The following ADGRL3 variants were observed in gnomAD, a reference collection of about 807,000 sequenced individuals.
The protein encoded by ADGRL3 is calcium-independent alpha-latrotoxin receptor 3.
Under a neutral mutation model 153.5 loss-of-function variants are expected in ADGRL3, and 62 were observed. The ratio of observed to expected loss-of-function variants is 0.40; its 90% CI spans 0.33 to 0.50. The LOEUF (loss-of-function observed/expected upper bound fraction) is 0.50, where lower values mean the gene tolerates loss of function less well. Among genes scored for constraint, ADGRL3 ranks in the 20% least tolerant of loss-of-function variants. The pLI, the probability that ADGRL3 is intolerant of heterozygous loss-of-function variation, is 0.47. For missense variants in ADGRL3, 1,641 were observed against 1,859.4 expected, an observed-to-expected ratio of 0.88 and a Z score of 2.16; for synonymous variants, 710 against 672.5, an observed-to-expected ratio of 1.06 and a Z score of -0.86.
At chr4:61,614,547 T>G (rs1258257027) in intron 5 of ADGRL3, among the ~76,000 whole-genome samples, 1 of 152,164 alleles carries the variant, frequency 6.6e-6, no homozygotes, top group Non-Finnish European at 1.5e-5. Flanking sequence ...AAGCAACTTT[T>G]AGCATAGTAA....
rs1258688149 is a variant in ADGRL3, at chr4:62,076,660, C to A, written c.*5752C>A. 2.0e-5 allele frequency: 3 copies of A among 151,950 alleles called. No homozygotes were observed. The highest frequency in any genetic ancestry group is 4.4e-5 in the Non-Finnish European group (3 of 67,896). The allele number at this position is 151,950 out of a possible 1,614,324, so 9.4% of individuals were successfully genotyped here. A position where few individuals can be genotyped will look rare whatever the true frequency, so the allele number is the denominator to read the frequency against. On this transcript the variant is annotated 3_prime_UTR_variant, in exon 27 of 27. Coordinates refer to ENST00000683033, the MANE Select transcript of ADGRL3 (RefSeq NM_001387552.1). ...ATATTCTGATTTCATTCTGCTAATTCCACGGGAAACATTAAATACTTTAAA... is the reference window on the plus strand; with the variant it reads ...ATATTCTGATTTCATTCTGCTAATTACACGGGAAACATTAAATACTTTAAA...
Position 61,651,869 on chromosome 4 carries a change from C to T in ADGRL3, c.474-24957C>T, listed in dbSNP as rs2094271605. On this transcript the variant is annotated intron_variant, in intron 5 of 26. Coordinates refer to ENST00000683033, the MANE Select transcript of ADGRL3 (RefSeq NM_001387552.1). ...CTGACCTAGTGATCTGCCTGCCTTG[C>T]CTCCCAAAGTGCTGGGATTACAGGA... Among the ~76,000 whole-genome samples the T allele has an allele frequency of 1.3e-5, 2 of 150,962 alleles. 1 individual carries two copies. The highest frequency in any genetic ancestry group is 4.2e-4 in the South Asian group (2 of 4,762).
chr4:61,586,740 C>A (rs2098948148), intron 4 of ADGRL3, among the ~76,000 whole-genome samples: 1 of 152,026 alleles, frequency 6.6e-6, no homozygotes. Context: ...ACAGTGAACT[C>A]ACAAAGTATT....
chr4:61,553,320 A>G (rs1318243161), intron 4 of ADGRL3, among the ~76,000 whole-genome samples: 1 of 152,210 alleles, frequency 6.6e-6, no homozygotes, highest in Admixed American at 6.5e-5. Flanking sequence ...TATAACTGAG[A>G]TAAAAAATAA....
chr4:61,440,371 T>G (rs1217399709), intron 2 of ADGRL3, among the ~76,000 whole-genome samples: 3 of 152,196 alleles, frequency 2.0e-5, no homozygotes. Flanking sequence ...ATATACAATT[T>G]GTGGTTCTTG....
intron 11 of ADGRL3, among the ~76,000 whole-genome samples, chr4:61,904,346 G>T (rs554254442): frequency 6.7e-6 from 1 of 149,158 alleles, no homozygotes; most frequent in Non-Finnish European, 1.5e-5. Context: ...ATGGGGTTTC[G>T]CTGTGTTGCC....
intron 2 of ADGRL3, among the ~76,000 whole-genome samples, chr4:61,405,357 CA>C (rs745785765): frequency 7.2e-5 from 11 of 151,920 alleles, no homozygotes; most frequent in Non-Finnish European, 1.5e-4. Context: ...AGTTCTGTAA[CA>C]GGTATTATTT....
chr4:61,728,128 G>A (rs1322350021), intron 6 of ADGRL3, among the ~76,000 whole-genome samples: 1 of 152,004 alleles, frequency 6.6e-6, no homozygotes, highest in African/African-American at 2.4e-5. Context: ...ATTTGTGTGC[G>A]CTTGTTTCAA....
intron 8 of ADGRL3, among the ~76,000 whole-genome samples, chr4:61,781,164 T>TAA (rs2097208408): frequency 6.6e-6 from 1 of 151,700 alleles, no homozygotes; most frequent in African/African-American, 2.4e-5. Flanking sequence ...CCATCTCTAC[T>TAA]AAAAATACAA....
intron 17 of ADGRL3, among the ~76,000 whole-genome samples, chr4:61,976,883 C>T (rs944303874): frequency 2.6e-5 from 4 of 152,060 alleles, no homozygotes; most frequent in Non-Finnish European, 4.4e-5. Flanking sequence ...TTGTTCTTTC[C>T]CATTCATGTT....
chr4:61,873,898 T>C (rs888379937), intron 9 of ADGRL3, among the ~76,000 whole-genome samples: 1 of 151,862 alleles, frequency 6.6e-6, no homozygotes, highest in Non-Finnish European at 1.5e-5. Flanking sequence ...GAACAACTCT[T>C]TACACCCAAA....
chr4:61,853,259 C>T (rs189756883), intron 9 of ADGRL3, among the ~76,000 whole-genome samples: 1 of 152,242 alleles, frequency 6.6e-6, no homozygotes, highest in East Asian at 1.9e-4. Context: ...TTTGAAGGGG[C>T]TCCTTATGAA....
At chr4:61,286,423 A>T (rs1333143118) in intron 1 of ADGRL3, among the ~76,000 whole-genome samples, 2 of 151,368 alleles carry the variant, frequency 1.3e-5, no homozygotes, top group Non-Finnish European at 3.0e-5. Flanking sequence ...TTTTAAAAGG[A>T]TGTTGATTTT....
At chr4:61,582,642 G>GA (rs113336064) in intron 4 of ADGRL3, among the ~76,000 whole-genome samples, 2,092 of 144,626 alleles carry the variant, frequency 0.014, 12 homozygotes, top group Middle Eastern at 0.018. Context: ...AGCAATGCAT[G>GA]AAAAAAAAAA....
At chr4:61,213,670 T>C (rs1422927734) in intron 1 of ADGRL3, among the ~76,000 whole-genome samples, 1 of 152,192 alleles carries the variant, frequency 6.6e-6, no homozygotes, top group African/African-American at 2.4e-5. Flanking sequence ...ATAGTTTGTA[T>C]AGTTATCTCC....
chr4:61,674,430 AT>A (rs1476382950), intron 5 of ADGRL3, among the ~76,000 whole-genome samples: 3 of 151,704 alleles, frequency 2.0e-5, no homozygotes, highest in Non-Finnish European at 4.4e-5. Context: ...AAGAGTAGAT[AT>A]TGCTTCTAAA....
At chr4:61,885,852 G>A (rs2098535554) in intron 9 of ADGRL3, among the ~76,000 whole-genome samples, 1 of 152,080 alleles carries the variant, frequency 6.6e-6, no homozygotes, top group Non-Finnish European at 1.5e-5. Context: ...AAAACTTGTT[G>A]GGAGTACTAA....
chr4:62,039,902 T>C (rs188984908), intron 24 of ADGRL3, among the ~76,000 whole-genome samples: 8 of 152,266 alleles, frequency 5.3e-5, no homozygotes. Flanking sequence ...TTGACATATG[T>C]CATTAATATT....
At chr4:61,921,112 C>G (rs1349973747) in intron 13 of ADGRL3, among the ~76,000 whole-genome samples, 2 of 151,766 alleles carry the variant, frequency 1.3e-5, no homozygotes, top group African/African-American at 4.8e-5. Flanking sequence ...TTCTGTTAGT[C>G]ATAGTTTGAG....
Sources: gnomAD v4.1 joint callset for allele counts (sites outside exome capture counted in the v4.1 genomes callset) on GRCh38, gnomAD v4.1.1 for gene constraint, MANE v1.5 for transcripts, NCBI Gene and HGNC (gene_info 2026-07-23, HGNC 2026-07-21) for gene names.